The following FAM117B variants were observed in gnomAD, a reference collection of about 807,000 sequenced individuals.
FAM117B encodes family with sequence similarity 117 member B.
FAM117B carries 22 observed loss-of-function variants against 52.8 expected under a neutral mutation model. The ratio of observed to expected loss-of-function variants is 0.42; its 90% CI spans 0.30 to 0.59. FAM117B has a LOEUF of 0.59. Ranked by LOEUF, FAM117B falls within the 20% of genes least tolerant of loss-of-function variation. The probability of loss-of-function intolerance (pLI) is 0.22; values close to 1 mark genes in which losing one functional copy is unlikely to be tolerated. For missense variants in FAM117B, 678 were observed against 802.6 expected (o/e 0.84, Z 1.88); for synonymous variants, 309 against 324.1 (o/e 0.95, Z 0.50).
At chr2:202,724,235 A>G (rs539262261) in intron 2 of FAM117B, among the ~76,000 whole-genome samples, 2 of 151,788 alleles carry the variant, frequency 1.3e-5, no homozygotes, top group African/African-American at 4.8e-5. Flanking sequence ...AGTAGAGACA[A>G]GGTTTCACCA....
At chr2:202,765,128 G>A (rs1383863830) in intron 7 of FAM117B, among the ~76,000 whole-genome samples, 10 of 152,158 alleles carry the variant, frequency 6.6e-5, no homozygotes, top group Non-Finnish European at 1.3e-4. Flanking sequence ...TCCCTTGACC[G>A]TCTTAGCTCA....
chr2:202,697,832 G>A (rs1035534638), intron 2 of FAM117B, among the ~76,000 whole-genome samples: 1 of 151,894 alleles, frequency 6.6e-6, no homozygotes, highest in East Asian at 1.9e-4. Flanking sequence ...TTACAGGTGT[G>A]AGCCACCACA....
intron 4 of FAM117B, among the ~76,000 whole-genome samples, chr2:202,751,114 A>C (rs1021794923): frequency 3.9e-5 from 6 of 152,240 alleles, no homozygotes; most frequent in African/African-American, 1.4e-4. Context: ...ACATATAGAT[A>C]AGCTTTAGTC....
intron 5 of FAM117B, among the ~76,000 whole-genome samples, chr2:202,756,368 C>T (rs529104313): frequency 1.4e-5 from 2 of 146,080 alleles, no homozygotes; most frequent in Non-Finnish European, 1.5e-5. Context: ...GAGCTGAGAT[C>T]GAAAAAAAAA....
Position 202,639,070 on chromosome 2 carries a change from G to A in FAM117B, c.601+3282G>A, listed in dbSNP as rs926360776. ...AGAGTCCCTTTTTCATTAAAGGGAG[G>A]CTACCACCAGTTTGCAGCTGTGATG... On this transcript the variant is annotated intron_variant, in intron 1 of 7. Transcript: ENST00000392238. 1.8e-4 allele frequency among the ~76,000 whole-genome samples: 27 copies of A among 152,284 alleles called. 1 individual carries two copies. In the South Asian group the frequency reaches 4.1e-3, roughly 23 times the overall value.
At chr2:202,676,697 C>T (rs935394735) in intron 1 of FAM117B, among the ~76,000 whole-genome samples, 12 of 151,936 alleles carry the variant, frequency 7.9e-5, no homozygotes, top group African/African-American at 2.7e-4. Flanking sequence ...TTGTTTTAAG[C>T]CACTAAGTTT....
At chr2:202,737,068 C>T (rs1691451671) in intron 4 of FAM117B, among the ~76,000 whole-genome samples, 1 of 152,048 alleles carries the variant, frequency 6.6e-6, no homozygotes, top group Non-Finnish European at 1.5e-5. Context: ...TCAAAAACAG[C>T]AACTCTAAAA....
chr2:202,687,547 C>G (rs1367113198), intron 1 of FAM117B, among the ~76,000 whole-genome samples: 2 of 152,240 alleles, frequency 1.3e-5, no homozygotes, highest in East Asian at 3.9e-4. Flanking sequence ...GTAGCTGGGA[C>G]TACAGGCACA....
chr2:202,651,201 A>G (rs1293031614), intron 1 of FAM117B, among the ~76,000 whole-genome samples: 3 of 151,616 alleles, frequency 2.0e-5, no homozygotes, highest in African/African-American at 2.4e-5. Flanking sequence ...AGATGGGATT[A>G]CAGGCACCTG....
At chr2:202,689,189 C>T (rs1165830511) in intron 1 of FAM117B, among the ~76,000 whole-genome samples, 2 of 152,108 alleles carry the variant, frequency 1.3e-5, no homozygotes, top group Non-Finnish European at 2.9e-5. Flanking sequence ...ACCTGTAATC[C>T]CAGCACTTTG....
At chr2:202,759,395 A>T (rs754352046) in intron 7 of FAM117B, 42 bp downstream of exon 7, 1 of 1,590,802 alleles carries the variant, frequency 6.3e-7, no homozygotes, top group African/African-American at 1.4e-5. Context: ...AACTATTATG[A>T]GCTTTTTTTT....
chr2:202,743,178 G>T (rs1304219015), intron 4 of FAM117B, among the ~76,000 whole-genome samples: 2 of 152,194 alleles, frequency 1.3e-5, no homozygotes, highest in Non-Finnish European at 2.9e-5. Flanking sequence ...CACCACTGCT[G>T]ATGCCTGAGG....
intron 2 of FAM117B, among the ~76,000 whole-genome samples, chr2:202,703,373 C>T (rs189042613): frequency 6.6e-6 from 1 of 152,268 alleles, no homozygotes; most frequent in East Asian, 1.9e-4. Context: ...TTACTTCCTC[C>T]TACCTCCTTC....
chr2:202,683,328 C>G (rs1559101434), intron 1 of FAM117B, among the ~76,000 whole-genome samples: 1 of 150,466 alleles, frequency 6.6e-6, no homozygotes, highest in Non-Finnish European at 1.5e-5. Context: ...GACTCTGTCT[C>G]AAAAAAACAA....
rs1329132379 is a variant in FAM117B, at chr2:202,687,824, AAATC to A, written c.602-8055_602-8052del. On this transcript the variant is annotated intron_variant, in intron 1 of 7. Coordinates refer to ENST00000392238, the MANE Select transcript of FAM117B (RefSeq NM_173511.4). ...ATCTTTTTGATACTATGCCTATGGG[AAATC>A]ATTTTGGTTAAATCAATCATTTTCT... Among the ~76,000 whole-genome samples the A allele has an allele frequency of 2.0e-5, 3 of 152,310 alleles. No individual in the cohort carries two copies. The East Asian group carries it at 5.8e-4, about 29-fold the overall frequency.
intron 2 of FAM117B, among the ~76,000 whole-genome samples, chr2:202,717,108 G>T (rs1338161279): frequency 2.0e-5 from 3 of 152,160 alleles, no homozygotes; most frequent in Non-Finnish European, 4.4e-5. Context: ...GGTATTTATT[G>T]TAGGTCTTTG....
At chr2:202,697,109 A>G (rs1690723145) in intron 2 of FAM117B, among the ~76,000 whole-genome samples, 1 of 152,098 alleles carries the variant, frequency 6.6e-6, no homozygotes. Flanking sequence ...ATTCAGGTCT[A>G]CCCCTTAGTT....
chr2:202,769,675 T>C lies in FAM117B; in HGVS notation c.*3911T>C, dbSNP rs1230623005. The C allele has an allele frequency of 2.0e-5, 3 of 152,672 alleles. No individual in the cohort carries two copies. The highest frequency in any genetic ancestry group is 2.9e-5 in the Non-Finnish European group (2 of 68,036). The allele number at this position is 152,672 out of a possible 1,614,324, so 9.5% of individuals were successfully genotyped here. On this transcript the variant is annotated 3_prime_UTR_variant, in exon 8 of 8. Coordinates refer to ENST00000392238, the MANE Select transcript of FAM117B (RefSeq NM_173511.4). Reference sequence around the variant, plus strand: ...AATCGGTATTGTTACGCTGTACTTATGTATTCCCTGTACCTGAACACTTGT... The same window carrying C: ...AATCGGTATTGTTACGCTGTACTTACGTATTCCCTGTACCTGAACACTTGT...
At chr2:202,707,775 T>A (rs1318678981) in intron 2 of FAM117B, among the ~76,000 whole-genome samples, 1 of 151,628 alleles carries the variant, frequency 6.6e-6, no homozygotes, top group African/African-American at 2.4e-5. Context: ...TAACTTAATT[T>A]TTTTTTTTTT....
Sources: allele counts gnomAD v4.1 joint callset (sites outside exome capture counted in the v4.1 genomes callset), GRCh38; gene constraint gnomAD v4.1.1; transcripts MANE v1.5; gene names NCBI Gene and HGNC (gene_info 2026-07-23, HGNC 2026-07-21).